DGKB: variants seen among roughly 807,000 people sequenced by gnomAD.
DGKB encodes the protein 90 kDa diacylglycerol kinase.
Under a neutral mutation model 114.3 loss-of-function variants are expected in DGKB, and 67 were observed. The observed-to-expected ratio is 0.59, with a 90% CI of 0.48 to 0.72. The LOEUF (loss-of-function observed/expected upper bound fraction) is 0.72, where lower values mean the gene tolerates loss of function less well. DGKB is among the 30% of genes least tolerant of loss of function. DGKB has a pLI of 0.00. For missense variants in DGKB, 907 were observed against 975.2 expected, an observed-to-expected ratio of 0.93 and a Z score of 0.93; for synonymous variants, 398 against 323.1, an observed-to-expected ratio of 1.23 and a Z score of -2.49.
chr7:14,356,098 G>T (rs189297277), intron 21 of DGKB, among the ~76,000 whole-genome samples: 46 of 149,690 alleles, frequency 3.1e-4, no homozygotes, highest in African/African-American at 1.0e-3. Context: ...ATGGTAGTTT[G>T]TATTTCTGTG....
chr7:14,961,226 G>A lies in DGKB; in HGVS notation c.-188+13470C>T, dbSNP rs531191120. On this transcript the variant is annotated intron_variant, in intron 1 of 4. Coordinates refer to the DGKB transcript ENST00000437998. Reference sequence around the variant, plus strand: ...TATTGTATTTGTTTTGAAGACTTGTGTGCATGAAGCTTAGCTTTTATTTTT... The same window carrying A: ...TATTGTATTTGTTTTGAAGACTTGTATGCATGAAGCTTAGCTTTTATTTTT... Among the ~76,000 whole-genome samples the A allele has an allele frequency of 3.9e-5, 6 of 152,162 alleles. No homozygotes were observed. In the East Asian group the frequency reaches 1.2e-3, roughly 29 times the overall value.
At chr7:14,882,143 G>A (rs919021588) in intron 1 of DGKB, among the ~76,000 whole-genome samples, 7 of 151,920 alleles carry the variant, frequency 4.6e-5, no homozygotes, top group Non-Finnish European at 1.0e-4. Flanking sequence ...ATAGAGAGTA[G>A]GAAAATTTGG....
chr7:14,694,014 T>C (rs778880276), intron 9 of DGKB, 61 bp downstream of exon 9: 2 of 1,520,738 alleles, frequency 1.3e-6, no homozygotes, highest in Non-Finnish European at 1.8e-6. Flanking sequence ...GTAATCAAAA[T>C]GTGTAATAGA....
At chr7:14,752,367 G>C (rs769275147) in intron 4 of DGKB, among the ~76,000 whole-genome samples, 6 of 152,036 alleles carry the variant, frequency 3.9e-5, no homozygotes, top group Admixed American at 2.6e-4. Flanking sequence ...GAATGCAAAG[G>C]GTATACACAT....
At chr7:14,558,020 ATTCT>A (rs1046570458) in intron 20 of DGKB, among the ~76,000 whole-genome samples, 27 of 151,502 alleles carry the variant, frequency 1.8e-4, no homozygotes, top group Admixed American at 1.6e-3. Flanking sequence ...TTTTCAAGAA[ATTCT>A]TTCTAGATGC....
At chr7:14,823,091 A>G (rs1030093324) in intron 2 of DGKB, among the ~76,000 whole-genome samples, 29 of 151,788 alleles carry the variant, frequency 1.9e-4, no homozygotes, top group Non-Finnish European at 8.8e-5. Flanking sequence ...AATTACAAAG[A>G]GTCTCAGATA....
At chr7:14,862,316 A>G (rs1324314204) in intron 1 of DGKB, among the ~76,000 whole-genome samples, 2 of 152,082 alleles carry the variant, frequency 1.3e-5, no homozygotes, top group Non-Finnish European at 2.9e-5. Flanking sequence ...TGATAGGGAC[A>G]CTAAATGTTA....
chr7:14,338,857 A>G, intron 22 of DGKB, 147 bp from the exon 23 acceptor site: 1 of 471,904 alleles, frequency 2.1e-6, no homozygotes, highest in Admixed American at 4.2e-5. Flanking sequence ...ACACTTAAAC[A>G]CTTACCCTGA....
chr7:14,700,445 T>G lies in DGKB; in HGVS notation c.516+1236A>C, dbSNP rs547303907. Among the ~76,000 whole-genome samples the G allele has an allele frequency of 9.2e-5, 14 of 152,192 alleles. No homozygotes were observed. In the East Asian group the frequency reaches 2.7e-3, roughly 29 times the overall value. On this transcript the variant is annotated intron_variant, in intron 7 of 25. Transcript: ENST00000402815. ...GCCAGCTGGTCTCAAACTCCTGACT[T>G]CAGGTGATCGCCTGCCCGTCTTGGC... is the stretch of plus-strand genomic sequence containing the variant.
intron 20 of DGKB, among the ~76,000 whole-genome samples, chr7:14,552,022 T>C (rs1471367161): frequency 6.6e-6 from 1 of 152,134 alleles, no homozygotes; most frequent in Non-Finnish European, 1.5e-5. Context: ...AAAAATCTTT[T>C]GTATCTCTTT....
chr7:14,879,965 G>A (rs571468228), intron 1 of DGKB, among the ~76,000 whole-genome samples: 4 of 152,132 alleles, frequency 2.6e-5, no homozygotes, highest in African/African-American at 9.6e-5. Flanking sequence ...GCATTTCTCA[G>A]CCTCACAAGA....
intron 2 of DGKB, among the ~76,000 whole-genome samples, chr7:14,823,391 T>C (rs934335167): frequency 2.0e-5 from 3 of 152,230 alleles, no homozygotes; most frequent in South Asian, 2.1e-4. Context: ...TTTTGCTCTG[T>C]TAGAAATTAG....
At chr7:14,389,735 G>T (rs773232223) in intron 21 of DGKB, among the ~76,000 whole-genome samples, 2 of 152,166 alleles carry the variant, frequency 1.3e-5, no homozygotes, top group Non-Finnish European at 2.9e-5. Flanking sequence ...CGCCATTAAG[G>T]CCTAAATGGC....
intron 1 of DGKB, among the ~76,000 whole-genome samples, chr7:14,968,175 A>C (rs1489144005): frequency 6.6e-6 from 1 of 151,472 alleles, no homozygotes; most frequent in East Asian, 1.9e-4. Flanking sequence ...CTTTTTTTTC[A>C]ACAAAACATT....
At chr7:14,850,422 G>T (rs1170236285) in intron 1 of DGKB, among the ~76,000 whole-genome samples, 1 of 152,134 alleles carries the variant, frequency 6.6e-6, no homozygotes, top group Non-Finnish European at 1.5e-5. Flanking sequence ...TCAAACTTCA[G>T]GAGAGAGAAG....
Position 14,345,298 on chromosome 7 carries a change from T to C in DGKB, c.1926+3A>G. 6.6e-7 allele frequency: 1 copy of C among 1,514,632 alleles called. No homozygotes were observed. The highest frequency in any genetic ancestry group is 8.9e-7 in the Non-Finnish European group (1 of 1,121,834). 93.8% of individuals were successfully genotyped at this position (1,514,632 alleles called of 1,614,324 possible). On this transcript the variant is annotated splice_donor_region_variant and intron_variant, in intron 22 of 25. Coordinates refer to ENST00000402815, the MANE Select transcript of DGKB (RefSeq NM_001350709.2). ...TACAAAAGAGAATTCATTTTTTTCT[T>C]ACTTCTATTTCTACAGATTCATGTA...
chr7:14,447,907 C>A (rs752546559), intron 21 of DGKB, among the ~76,000 whole-genome samples: 6 of 152,010 alleles, frequency 3.9e-5, no homozygotes, highest in Non-Finnish European at 8.8e-5. Context: ...TTAGACGGTG[C>A]TTGGTCAAAA....
At chr7:14,248,867 A>T (rs990833875) in intron 23 of DGKB, among the ~76,000 whole-genome samples, 2 of 152,068 alleles carry the variant, frequency 1.3e-5, no homozygotes, top group African/African-American at 4.8e-5. Context: ...AGGAGTTCCT[A>T]TATGTACCAT....
chr7:14,480,991 T>G (rs1033002701), intron 20 of DGKB, among the ~76,000 whole-genome samples: 1 of 152,018 alleles, frequency 6.6e-6, no homozygotes, highest in Non-Finnish European at 1.5e-5. Context: ...ATTATTTCCT[T>G]AACCTATATA....
Sources: gnomAD v4.1 joint callset for allele counts (sites outside exome capture counted in the v4.1 genomes callset) on GRCh38, gnomAD v4.1.1 for gene constraint, MANE v1.5 for transcripts, NCBI Gene and HGNC (gene_info 2026-07-23, HGNC 2026-07-21) for gene names.